The following PPP6R1 variants were observed in gnomAD, a reference collection of about 807,000 sequenced individuals.
The protein encoded by PPP6R1 is serine/threonine-protein phosphatase 6 regulatory subunit 1.
In PPP6R1, 39 loss-of-function variants were observed where a neutral mutation model predicts 104.6. That is an observed-to-expected ratio of 0.37 (90% CI 0.29 to 0.49). The LOEUF (loss-of-function observed/expected upper bound fraction) is 0.49. Ranked by LOEUF, PPP6R1 falls within the 20% of genes least tolerant of loss-of-function variation. The probability of loss-of-function intolerance (pLI) is 0.98; values close to 1 mark genes in which losing one functional copy is unlikely to be tolerated. For missense variants in PPP6R1, 1,181 were observed against 1,155.8 expected, an observed-to-expected ratio of 1.02 and a Z score of -0.32; for synonymous variants, 549 against 479.0, an observed-to-expected ratio of 1.15 and a Z score of -1.91.
Position 55,241,190 on chromosome 19 carries a change from C to A in PPP6R1, c.1161+49G>T. 1 of 1,495,698 alleles carries A rather than the reference C, an allele frequency of 6.7e-7. No homozygotes were observed. Among genetic ancestry groups the A allele is most frequent in the South Asian group, 1.3e-5 (1 of 76,900 alleles). 92.7% of individuals were successfully genotyped at this position (1,495,698 alleles called of 1,614,324 possible). On this transcript the variant is annotated intron_variant, in intron 9 of 23. Coordinates refer to ENST00000412770, the MANE Select transcript of PPP6R1 (RefSeq NM_014931.4). The surrounding 1 kb of genome is among the most constrained non-coding windows in gnomAD (Gnocchi z 5.4). Reference sequence around the variant, plus strand: ...CAGCCCCCGAACCCTCAGCCCAGTCCAGTCCCCGCCCCAGCCCCTGAACCC... The same window carrying A: ...CAGCCCCCGAACCCTCAGCCCAGTCAAGTCCCCGCCCCAGCCCCTGAACCC...
At chr19:55,232,358 C>G in intron 17 of PPP6R1, 147 bp from the exon 18 acceptor site, 1 of 1,253,052 alleles carries the variant, frequency 8.0e-7, no homozygotes. Context: ...TGGGGTGTGA[C>G]GACACCAGGA....
At position 55,245,919 on chromosome 19, in the gene PPP6R1, C is replaced by T. The variant is rs1446322639; in HGVS notation, c.228-241G>A. 6.6e-6 allele frequency among the ~76,000 whole-genome samples: 1 copy of T among 152,198 alleles called. No homozygotes were observed. Among genetic ancestry groups the T allele is most frequent in the Non-Finnish European group, 1.5e-5 (1 of 68,044 alleles). The stretch of plus-strand genomic sequence containing the variant: ...GGCTCCTTACCACCCCCAAGACAAG[C>T]TGGTCCTGAAGCTCCTGCGCTTCCC... On this transcript the variant is annotated intron_variant, in intron 2 of 23. Coordinates refer to ENST00000412770, the MANE Select transcript of PPP6R1 (RefSeq NM_014931.4). The surrounding 1 kb of genome is among the most constrained non-coding windows in gnomAD (Gnocchi z 6.4).
chr19:55,228,802 G>A, downstream of PPP6R1: 3 of 1,563,260 alleles, frequency 1.9e-6, no homozygotes, highest in South Asian at 2.3e-5. Context: ...GGGGTGGAGG[G>A]GAGGGCTCAT....
At chr19:55,243,590 AG>A (rs367670144) in intron 5 of PPP6R1, among the ~76,000 whole-genome samples, 200 of 151,648 alleles carry the variant, frequency 1.3e-3, no homozygotes, top group African/African-American at 4.3e-3. Context: ...GCTTGAGCCC[AG>A]GGGGGTCAAG....
At chr19:55,231,078 C>G in intron 21 of PPP6R1, 194 bp from the exon 22 acceptor site, 1 of 619,266 alleles carries the variant, frequency 1.6e-6, no homozygotes, top group Non-Finnish European at 2.8e-6. Context: ...ACAAGCACCC[C>G]TCTTCCCGCC....
In PPP6R1 at chr19:55,236,665, G is replaced by C. The variant is rs751121908; in HGVS notation, c.1966C>G (p.Leu656Val). Reference protein sequence around the residue: ...QGSQLARGARLGQPPGVRSGG... With the variant: ...QGSQLARGARVGQPPGVRSGG... ...CACCGGACACCAGGTGGCTGGCCCA[G>C]ACGGGCCCCCCTGGCCAGCTGGCTG... Residue 656 changes from leucine to valine, a missense_variant, in exon 17 of 24, where the codon CTG (leucine) becomes GTG (valine). Leu to Val is a conservative substitution (Grantham distance 32). Around this residue, in one of 2 missense-constraint regions of PPP6R1, gnomAD observed 1,042 missense variants for 955.6 expected, o/e 1.09. Coordinates refer to ENST00000412770, the MANE Select transcript of PPP6R1 (RefSeq NM_014931.4). The C allele has an allele frequency of 2.5e-6, 4 of 1,585,294 alleles. No individual in the cohort carries two copies. In the South Asian group the frequency reaches 4.6e-5, roughly 18 times the overall value.
rs2087504935 is a variant in PPP6R1, at chr19:55,246,000, C to T, written c.228-322G>A. ...TGCCTCTCAGCGGCTTCACTTGCAA[C>T]CCCGTATGCTGCCCCAGCTCCGGCT... On this transcript the variant is annotated intron_variant, in intron 2 of 23. Transcript: ENST00000412770. The surrounding 1 kb of genome is among the most constrained non-coding windows in gnomAD (Gnocchi z 6.4). 6.6e-6 allele frequency among the ~76,000 whole-genome samples: 1 copy of T among 152,192 alleles called. No individual in the cohort carries two copies. Among genetic ancestry groups the T allele is most frequent in the Non-Finnish European group, 1.5e-5 (1 of 68,032 alleles).
At chr19:55,246,845 G>C in intron 2 of PPP6R1, 32 bp downstream of exon 2, 2 of 1,515,572 alleles carry the variant, frequency 1.3e-6, no homozygotes, top group Non-Finnish European at 1.8e-6. Context: ...GATGCTGATA[G>C]GGACGGGCTG....
chr19:55,242,366 G>A lies in PPP6R1; in HGVS notation c.731+10C>T, dbSNP rs1004691432. 5 of 1,612,166 alleles carry A rather than the reference G, an allele frequency of 3.1e-6. No homozygotes were observed. The highest frequency in any genetic ancestry group is 3.4e-6 in the Non-Finnish European group (4 of 1,178,264). On this transcript the variant is annotated intron_variant, in intron 6 of 23. Transcript: ENST00000412770. ...GCTCCCCCCAGCCTTAGCCTTGCCC[G>A]CACACCCACTTCTCCAGGGTGGCCA...
At position 55,241,256 on chromosome 19, in the gene PPP6R1, C is replaced by T. The variant is rs375164592; in HGVS notation, c.1144G>A (p.Val382Met). The change falls in exon 9 of 24, where the codon GTG becomes ATG. Residue 382 changes from valine (V) to methionine (M), a missense_variant. Coordinates refer to ENST00000412770, the MANE Select transcript of PPP6R1 (RefSeq NM_014931.4). This position sits in a 1 kb window ranked among gnomAD's most constrained non-coding sequence, Gnocchi z 5.4. ...ALTHELLALDVPNTMLDLFFH... is the reference protein window; with the variant it reads ...ALTHELLALDMPNTMLDLFFH... ...CCCCGCACCAGCATGGTGTTGGGCA[C>T]GTCCAGTGCCAGGAGCTCGTGCGTC... The T allele has an allele frequency of 3.8e-5, 61 of 1,603,110 alleles. No homozygotes were observed. Among genetic ancestry groups the T allele is most frequent in the Non-Finnish European group, 4.7e-5 (55 of 1,176,688 alleles).
chr19:55,241,278 C>A lies in PPP6R1; in HGVS notation c.1122G>T (p.Thr374=). Residue 374 remains threonine, a synonymous_variant, in exon 9 of 24, where the codon ACG becomes ACT. Coordinates refer to ENST00000412770, the MANE Select transcript of PPP6R1 (RefSeq NM_014931.4). The surrounding 1 kb of genome is among the most constrained non-coding windows in gnomAD (Gnocchi z 5.4). Reference sequence around the variant, plus strand: ...GCACGTCCAGTGCCAGGAGCTCGTGCGTCAGGGCTGCATCATTGGCGCTCA... The same window carrying A: ...GCACGTCCAGTGCCAGGAGCTCGTGAGTCAGGGCTGCATCATTGGCGCTCA... ...SALSANDAAL[T]HELLALDVPN... The A allele has an allele frequency of 6.2e-7, 1 of 1,609,306 alleles. No individual in the cohort carries two copies. The highest frequency in any genetic ancestry group is 8.5e-7 in the Non-Finnish European group (1 of 1,179,044).
Position 55,232,200 on chromosome 19 carries a change from C to A in PPP6R1, c.2000G>T (p.Ser667Ile). The change falls in exon 18 of 24, where the codon AGC becomes ATC. Residue 667 changes from serine (S) to isoleucine (I), a missense_variant. Physicochemically the swap from Ser to Ile is moderately radical, Grantham distance 142. Around this residue, in one of 2 missense-constraint regions of PPP6R1, gnomAD observed 1,042 missense variants for 955.6 expected, o/e 1.09. Coordinates refer to ENST00000412770, the MANE Select transcript of PPP6R1 (RefSeq NM_014931.4). ...CTCTTCTTCGTCCTCACTGTCTGTG[C>A]TGCCTCCACTCCTGCCCCAGAAACC... is the stretch of plus-strand genomic sequence containing the variant. ...GQPPGVRSGGSTDSEDEEEED... is the reference protein window; with the variant it reads ...GQPPGVRSGGITDSEDEEEED... 6.5e-7 allele frequency: 1 copy of A among 1,549,880 alleles called. No homozygotes were observed.
rs779861245 is a variant in PPP6R1, at chr19:55,245,700, G to A, written c.228-22C>T. 1.9e-6 allele frequency: 3 copies of A among 1,594,458 alleles called. No homozygotes were observed. The Admixed American group carries it at 5.0e-5, about 27-fold the overall frequency. On this transcript the variant is annotated intron_variant, in intron 2 of 23. Transcript: ENST00000412770. The surrounding 1 kb of genome is among the most constrained non-coding windows in gnomAD (Gnocchi z 6.4). ...GTACCTGGGAGGCAAGCACAGGCGG[G>A]TGGGGGCTCGGGTCGGAGGCCGGGG...
intron 15 of PPP6R1, chr19:55,239,006 G>T: frequency 4.9e-6 from 1 of 205,920 alleles, no homozygotes; most frequent in Non-Finnish European, 9.9e-6. Context: ...TCCTGAGCCA[G>T]AGGGCATCCA....
chr19:55,236,324 T>G, intron 17 of PPP6R1: 4 of 266,422 alleles, frequency 1.5e-5, no homozygotes, highest in African/African-American at 2.3e-5. Flanking sequence ...CCATCTAACT[T>G]TTGTATTTTT....
At position 55,258,938 on chromosome 19, in the gene PPP6R1, C is replaced by T. The variant is rs555301359; in HGVS notation, c.-510G>A. 3 of 152,232 alleles carry T rather than the reference C, an allele frequency of 2.0e-5. No homozygotes were observed. The highest frequency in any genetic ancestry group is 7.2e-5 in the African/African-American group (3 of 41,436). The allele number at this position is 152,232 out of a possible 1,614,324, so 9.4% of individuals were successfully genotyped here. ...CCTACTTCCTTAACCACCCCTTCCCCAAAGCCGCTCAATCTCCGGGCTCTG... is the reference window on the plus strand; with the variant it reads ...CCTACTTCCTTAACCACCCCTTCCCTAAAGCCGCTCAATCTCCGGGCTCTG... On this transcript the variant is annotated 5_prime_UTR_variant, in exon 1 of 24. Transcript: ENST00000412770.
intron 22 of PPP6R1, 38 bp from the exon 23 acceptor site, chr19:55,230,722 C>T (rs751509780): frequency 3.3e-6 from 5 of 1,518,902 alleles, no homozygotes; most frequent in South Asian, 1.2e-5. Flanking sequence ...AGGTCACTTC[C>T]TGCCCCACCA....
At chr19:55,246,090 G>A (rs1242204617) in intron 2 of PPP6R1, among the ~76,000 whole-genome samples, 5 of 152,072 alleles carry the variant, frequency 3.3e-5, no homozygotes, top group East Asian at 1.9e-4. Context: ...ACTTTCACAC[G>A]GTGCCTGACG....
intron 17 of PPP6R1, among the ~76,000 whole-genome samples, chr19:55,233,405 C>A (rs571900198): frequency 1.4e-4 from 22 of 152,312 alleles, no homozygotes; most frequent in Non-Finnish European, 2.8e-4. Flanking sequence ...AACAAGGATG[C>A]CTGTTCTTGC....
Sources: allele counts gnomAD v4.1 joint callset (sites outside exome capture counted in the v4.1 genomes callset), GRCh38; gene constraint gnomAD v4.1.1; regional missense constraint gnomAD v4.1.1; non-coding constraint Gnocchi (gnomAD v3.1); transcripts MANE v1.5; gene names NCBI Gene and HGNC (gene_info 2026-07-23, HGNC 2026-07-21).